APC: variants seen among roughly 807,000 people sequenced by gnomAD.
APC encodes the protein APC regulator of Wnt signaling pathway, also known as adenomatous polyposis coli protein.
In APC, 72 loss-of-function variants were observed where a neutral mutation model predicts 247.0. The ratio of observed to expected loss-of-function variants is 0.29; its 90% CI spans 0.24 to 0.35. The LOEUF (loss-of-function observed/expected upper bound fraction) is 0.35. Ranked by LOEUF, APC falls within the 10% of genes least tolerant of loss-of-function variation. The pLI is 1.00. For missense variants in APC, 3,400 were observed against 3,360.7 expected (o/e 1.01, Z -0.29); for synonymous variants, 1,254 against 1,162.5 (o/e 1.08, Z -1.60).
chr5:112,821,917 A>G lies in APC; in HGVS notation c.1334A>G (p.Gln445Arg), dbSNP rs876659157. Residue 445 changes from glutamine (Q) to arginine (R), a missense_variant, in exon 11 of 16, where the codon CAG becomes CGG. Coordinates refer to ENST00000257430, the MANE Select transcript of APC (RefSeq NM_000038.6). ...KNPMPAPVEH[Q>R]ICPAVCVLMK... Reference sequence around the variant, plus strand: ...TCAGTGCCAGCTCCTGTTGAACATCAGATCTGTCCTGCTGTGTGTGTTCTA... The same window carrying G: ...TCAGTGCCAGCTCCTGTTGAACATCGGATCTGTCCTGCTGTGTGTGTTCTA... 8 of 1,613,204 alleles carry G rather than the reference A, an allele frequency of 5.0e-6. No homozygotes were observed. Among genetic ancestry groups the G allele is most frequent in the African/African-American group, 2.7e-5 (2 of 74,894 alleles).
chr5:112,818,463 T>C (rs1316065139), intron 9 of APC, among the ~76,000 whole-genome samples: 1 of 150,824 alleles, frequency 6.6e-6, no homozygotes, highest in Non-Finnish European at 1.5e-5. Flanking sequence ...AATATTATCA[T>C]CTGACGAGAA....
intron 1 of APC, chr5:112,707,970 G>T (rs1416322066): frequency 4.0e-6 from 5 of 1,239,172 alleles, no homozygotes; most frequent in Non-Finnish European, 5.2e-6. Flanking sequence ...ACGGTGCTCG[G>T]CCCGACTCTG....
At chr5:112,789,528 G>T (rs988344899) in intron 6 of APC, among the ~76,000 whole-genome samples, 1 of 152,158 alleles carries the variant, frequency 6.6e-6, no homozygotes, top group Admixed American at 6.5e-5. Context: ...ATATGGAAAT[G>T]TAGTGTAAAA....
At chr5:112,822,114 A>G in intron 11 of APC, 123 bp downstream of exon 11, 4 of 703,802 alleles carry the variant, frequency 5.7e-6, no homozygotes, top group Non-Finnish European at 9.7e-6. Context: ...AAGGCCACCA[A>G]CTTCTGTTAT....
At chr5:112,725,678 C>T (rs1751735285) in intron 1 of APC, among the ~76,000 whole-genome samples, 1 of 151,938 alleles carries the variant, frequency 6.6e-6, no homozygotes, top group East Asian at 1.9e-4. Flanking sequence ...GGAGGATCAC[C>T]TGAGCCCAGG....
rs876658800 is a variant in APC, at chr5:112,842,490, C to T, written c.6896C>T (p.Pro2299Leu). 5 of 1,613,990 alleles carry T rather than the reference C, an allele frequency of 3.1e-6. No individual in the cohort carries two copies. In the Admixed American group the frequency reaches 6.7e-5, roughly 22 times the overall value. Residue 2299 changes from proline to leucine, a missense_variant, in exon 16 of 16, where the codon CCT (proline) becomes CTT (leucine). Coordinates refer to ENST00000257430, the MANE Select transcript of APC (RefSeq NM_000038.6). ...TSQIGGSSKA[P>L]SRSGSRDSTP... is the part of the protein sequence containing the mutation. ...CAAATAGGTGGGTCAAGTAAAGCAC[C>T]TTCTAGATCAGGATCTAGAGATTCG... is the stretch of plus-strand genomic sequence containing the variant.
chr5:112,742,242 A>G (rs758952157), intron 1 of APC, among the ~76,000 whole-genome samples: 2 of 152,178 alleles, frequency 1.3e-5, no homozygotes, highest in African/African-American at 2.4e-5. Flanking sequence ...ACTCTGCTCT[A>G]TAGTATTCTA....
At chr5:112,781,264 A>G (rs532864313) in intron 6 of APC, among the ~76,000 whole-genome samples, 2 of 152,312 alleles carry the variant, frequency 1.3e-5, no homozygotes, top group South Asian at 4.1e-4. Flanking sequence ...CTGCTCTTCA[A>G]ATTGTGCACT....
In APC at chr5:112,841,075, C is replaced by A. The variant is rs774567729; in HGVS notation, c.5481C>A (p.Leu1827=). 1 of 1,612,798 alleles carries A rather than the reference C, an allele frequency of 6.2e-7. No homozygotes were observed. Among genetic ancestry groups the A allele is most frequent in the Non-Finnish European group, 8.5e-7 (1 of 1,178,904 alleles). Residue 1827 remains leucine (L), a synonymous_variant, in exon 16 of 16, where the codon CTC becomes CTA. Coordinates refer to ENST00000257430, the MANE Select transcript of APC (RefSeq NM_000038.6). The surrounding 1 kb of genome is among the most constrained non-coding windows in gnomAD (Gnocchi z 4.6). The stretch of plus-strand genomic sequence containing the variant: ...ATTCCAAGGTCTTCAATGATAAGCT[C>A]CCAAATAATGAAGATAGAGTCAGAG... ...KNNSKVFNDK[L]PNNEDRVRGS...
At chr5:112,763,868 A>G (rs1561458011) in intron 2 of APC, among the ~76,000 whole-genome samples, 1 of 152,230 alleles carries the variant, frequency 6.6e-6, no homozygotes, top group African/African-American at 2.4e-5. Context: ...ATGTTTTAAC[A>G]AGGTCTTCAG....
At chr5:112,725,488 T>C (rs1751725869) in intron 1 of APC, among the ~76,000 whole-genome samples, 1 of 152,090 alleles carries the variant, frequency 6.6e-6, no homozygotes, top group Non-Finnish European at 1.5e-5. Flanking sequence ...GCACAGTGGC[T>C]CACGCCTGTA....
intron 5 of APC, chr5:112,778,249 G>A (rs1190063460): frequency 6.3e-6 from 1 of 157,544 alleles, no homozygotes; most frequent in Non-Finnish European, 1.4e-5. Flanking sequence ...TGGGTTATAG[G>A]TCTGCAGTGT....
In APC at chr5:112,821,660, G is replaced by GACT. The variant is rs531239151; in HGVS notation, c.1313-235_1313-233dup. Among the ~76,000 whole-genome samples the GACT allele has an allele frequency of 1.3e-3, 193 of 152,240 alleles. 1 individual carries two copies. The highest frequency in any genetic ancestry group is 4.5e-3 in the African/African-American group (187 of 41,548). Reference sequence around the variant, plus strand: ...TAAACCTCCTAGACTTATTCTAAGAGACTTAGTCAAGGGCAGATGAGTGGT... The same window carrying GACT: ...TAAACCTCCTAGACTTATTCTAAGAGACTACTTAGTCAAGGGCAGATGAGTGGT... On this transcript the variant is annotated intron_variant, in intron 10 of 15. Coordinates refer to ENST00000257430, the MANE Select transcript of APC (RefSeq NM_000038.6).
intron 9 of APC, among the ~76,000 whole-genome samples, chr5:112,817,492 T>C (rs1287747370): frequency 1.3e-5 from 2 of 152,196 alleles, no homozygotes; most frequent in Non-Finnish European, 2.9e-5. Context: ...CTATGAAGTA[T>C]CCATATTTCT....
intron 6 of APC, among the ~76,000 whole-genome samples, chr5:112,783,590 C>G (rs914339434): frequency 6.9e-6 from 1 of 145,136 alleles, no homozygotes; most frequent in Non-Finnish European, 1.5e-5. Context: ...CCCAGGAGTT[C>G]GAGACCAGCC....
chr5:112,756,730 G>C (rs1755027195), intron 2 of APC, among the ~76,000 whole-genome samples: 1 of 152,068 alleles, frequency 6.6e-6, no homozygotes, highest in African/African-American at 2.4e-5. Flanking sequence ...CACTGAAGTG[G>C]AATGTCTCTC....
intron 15 of APC, 48 bp from the exon 16 acceptor site, chr5:112,837,505 G>T (rs897510343): frequency 7.3e-7 from 1 of 1,365,296 alleles, no homozygotes; most frequent in East Asian, 2.3e-5. Context: ...TGTTGTTACT[G>T]CATACACATT....
At chr5:112,827,553 A>G (rs1165931051) in intron 12 of APC, among the ~76,000 whole-genome samples, 1 of 152,204 alleles carries the variant, frequency 6.6e-6, no homozygotes, top group Non-Finnish European at 1.5e-5. Flanking sequence ...TTAACTGTGT[A>G]GAATTAAAAA....
chr5:112,763,194 CTATTT>C (rs1200374611), intron 2 of APC, among the ~76,000 whole-genome samples: 3 of 151,898 alleles, frequency 2.0e-5, no homozygotes, highest in Non-Finnish European at 4.4e-5. Flanking sequence ...AGTATATTCA[CTATTT>C]TATTAAATTA....
Sources: gnomAD v4.1 joint callset for allele counts (sites outside exome capture counted in the v4.1 genomes callset) on GRCh38, gnomAD v4.1.1 for gene constraint, Gnocchi (gnomAD v3.1) non-coding constraint, MANE v1.5 for transcripts, NCBI Gene and HGNC (gene_info 2026-07-23, HGNC 2026-07-21) for gene names.